DGKB: variants seen among roughly 807,000 people sequenced by gnomAD.
DGKB encodes the protein diacylglycerol kinase beta, also known as 90 kDa diacylglycerol kinase.
A neutral mutation model predicts 114.3 loss-of-function variants in DGKB; 67 were observed. That is an observed-to-expected ratio of 0.59 (90% CI 0.48 to 0.72). The LOEUF is 0.72. DGKB is among the 30% of genes least tolerant of loss of function. The pLI is 0.00. For synonymous variants in DGKB, 398 were observed against 323.1 expected, an observed-to-expected ratio of 1.23 and a Z score of -2.49; for missense variants, 907 against 975.2, an observed-to-expected ratio of 0.93 and a Z score of 0.93.
chr7:14,749,620 A>G (rs1252595294), intron 4 of DGKB, among the ~76,000 whole-genome samples: 2 of 152,148 alleles, frequency 1.3e-5, no homozygotes, highest in African/African-American at 2.4e-5. Flanking sequence ...TCTATAGCTA[A>G]CTGTTTTATT....
chr7:14,869,561 CA>C (rs1475320580), intron 1 of DGKB, among the ~76,000 whole-genome samples: 6 of 151,930 alleles, frequency 3.9e-5, no homozygotes, highest in African/African-American at 1.5e-4. Flanking sequence ...TCATATCAAA[CA>C]ATTACATGCT....
At chr7:14,892,275 T>C (rs973986711) in intron 1 of DGKB, among the ~76,000 whole-genome samples, 5 of 151,096 alleles carry the variant, frequency 3.3e-5, no homozygotes, top group African/African-American at 1.2e-4. Context: ...TGGAAAGAAG[T>C]AGAATGTCAG....
intron 23 of DGKB, among the ~76,000 whole-genome samples, chr7:14,208,451 T>C (rs1470215418): frequency 1.3e-5 from 2 of 152,026 alleles, no homozygotes; most frequent in African/African-American, 4.8e-5. Context: ...GAAGGATTAA[T>C]GGGGGTTCAA....
At chr7:14,155,758 C>T (rs1177683750) in intron 25 of DGKB, among the ~76,000 whole-genome samples, 1 of 151,944 alleles carries the variant, frequency 6.6e-6, no homozygotes, top group South Asian at 2.1e-4. Flanking sequence ...TTGTGGTCTT[C>T]GTAATGTGTG....
chr7:14,323,028 C>T (rs1174346453), intron 23 of DGKB, among the ~76,000 whole-genome samples: 1 of 152,018 alleles, frequency 6.6e-6, no homozygotes, highest in Non-Finnish European at 1.5e-5. Flanking sequence ...TACCTTATGA[C>T]CCAGCAATTT....
intron 17 of DGKB, among the ~76,000 whole-genome samples, chr7:14,593,691 C>T (rs1163932889): frequency 2.0e-5 from 3 of 151,602 alleles, no homozygotes; most frequent in Admixed American, 1.3e-4. Context: ...CGATGTTAAA[C>T]AAAAATTATG....
intron 21 of DGKB, among the ~76,000 whole-genome samples, chr7:14,441,933 T>C (rs1830139194): frequency 6.6e-6 from 1 of 152,016 alleles, no homozygotes; most frequent in African/African-American, 2.4e-5. Context: ...ATGCAGTAGA[T>C]ATACATACAT....
At chr7:14,680,108 T>C (rs1304926121) in intron 12 of DGKB, among the ~76,000 whole-genome samples, 1 of 151,938 alleles carries the variant, frequency 6.6e-6, no homozygotes, top group Non-Finnish European at 1.5e-5. Context: ...TCTCAGGACT[T>C]TAGAGAGTTT....
At chr7:14,174,719 C>G (rs1781472921) in intron 25 of DGKB, among the ~76,000 whole-genome samples, 1 of 152,068 alleles carries the variant, frequency 6.6e-6, no homozygotes, top group Admixed American at 6.6e-5. Context: ...GCAGCTATTA[C>G]CCCCACCACC....
intron 15 of DGKB, among the ~76,000 whole-genome samples, chr7:14,613,774 G>A (rs556481372): frequency 6.6e-6 from 1 of 152,068 alleles, no homozygotes; most frequent in South Asian, 2.1e-4. Flanking sequence ...GAGGAAAAAG[G>A]GATGAGAAGC....
Position 14,486,407 on chromosome 7 carries a change from G to C in DGKB, c.1771-8182C>G, listed in dbSNP as rs147910414. ...GAATACTGGGGTAGGTAAAACACTC[G>C]TATGTCCAAAGGGACAATGTGAGGA... On this transcript the variant is annotated intron_variant, in intron 20 of 25. Coordinates refer to ENST00000402815, the MANE Select transcript of DGKB (RefSeq NM_001350709.2). Among the ~76,000 whole-genome samples, 371 of 152,296 alleles carry C rather than the reference G, an allele frequency of 2.4e-3. 1 individual carries two copies. The highest frequency in any genetic ancestry group is 4.0e-3 in the Non-Finnish European group (271 of 68,012).
chr7:14,210,689 C>T (rs1787616845), intron 23 of DGKB, among the ~76,000 whole-genome samples: 1 of 152,030 alleles, frequency 6.6e-6, no homozygotes, highest in Admixed American at 6.6e-5. Flanking sequence ...GATTATGTCC[C>T]TCTCTTCAAG....
chr7:14,560,541 CT>C (rs960077777), intron 20 of DGKB, among the ~76,000 whole-genome samples: 2 of 152,196 alleles, frequency 1.3e-5, no homozygotes, highest in African/African-American at 4.8e-5. Context: ...GCAAAACTTT[CT>C]TTTTTAAAAA....
chr7:14,652,574 C>T (rs1048978324), intron 13 of DGKB, among the ~76,000 whole-genome samples: 2 of 151,828 alleles, frequency 1.3e-5, no homozygotes, highest in Admixed American at 6.6e-5. Context: ...CTTTACCATT[C>T]GGGACATAGG....
chr7:14,666,844 A>G (rs184043713), intron 13 of DGKB, among the ~76,000 whole-genome samples: 1 of 152,142 alleles, frequency 6.6e-6, no homozygotes, highest in East Asian at 1.9e-4. Flanking sequence ...ATCACACATT[A>G]AATAAATTTT....
chr7:14,536,337 T>A (rs1792492237), intron 20 of DGKB, among the ~76,000 whole-genome samples: 1 of 152,140 alleles, frequency 6.6e-6, no homozygotes, highest in African/African-American at 2.4e-5. Context: ...GTAATGACAC[T>A]ACAAGAAAAG....
chr7:14,582,579 G>C (rs1025108446), intron 18 of DGKB, among the ~76,000 whole-genome samples: 1 of 152,076 alleles, frequency 6.6e-6, no homozygotes, highest in African/African-American at 2.4e-5. Flanking sequence ...GAGTTGTGAG[G>C]AATAAACAAG....
intron 23 of DGKB, among the ~76,000 whole-genome samples, chr7:14,239,464 A>C (rs1793321702): frequency 6.6e-6 from 1 of 152,014 alleles, no homozygotes; most frequent in African/African-American, 2.4e-5. Context: ...TTTACTGTAC[A>C]TTTTAATACC....
intron 1 of DGKB, among the ~76,000 whole-genome samples, chr7:14,960,140 C>T (rs904466353): frequency 6.6e-6 from 1 of 151,994 alleles, no homozygotes. Context: ...TAACTAAGAT[C>T]AGCCTCTTAA....
Sources: gnomAD v4.1 joint callset for allele counts (sites outside exome capture counted in the v4.1 genomes callset) on GRCh38, gnomAD v4.1.1 for gene constraint, MANE v1.5 for transcripts, NCBI Gene and HGNC (gene_info 2026-07-23, HGNC 2026-07-21) for gene names.